GFRA1: variants seen among roughly 807,000 people sequenced by gnomAD.
GFRA1 encodes the protein GDNF family receptor alpha-1.
Under a neutral mutation model 51.6 loss-of-function variants are expected in GFRA1, and 16 were observed. The ratio of observed to expected loss-of-function variants is 0.31; its 90% CI spans 0.21 to 0.47. The LOEUF is 0.47. GFRA1 is among the 20% of genes least tolerant of loss of function. The pLI is 1.00. For synonymous variants in GFRA1, 270 were observed against 241.3 expected, an observed-to-expected ratio of 1.12 and a Z score of -1.10; for missense variants, 530 against 594.3, an observed-to-expected ratio of 0.89 and a Z score of 1.13.
rs1238008762 is a variant in GFRA1, at chr10:116,095,959, T to C, written c.880+696A>G. On this transcript the variant is annotated intron_variant, in intron 7 of 10. Transcript: ENST00000355422. Reference sequence around the variant, plus strand: ...TACCTGGGACACCTGCCTTTCCCCCTGACAGCCCCTGGTATCCAGGGGTCC... The same window carrying C: ...TACCTGGGACACCTGCCTTTCCCCCCGACAGCCCCTGGTATCCAGGGGTCC... 2.6e-5 allele frequency among the ~76,000 whole-genome samples: 4 copies of C among 151,030 alleles called. No homozygotes were observed. The East Asian group carries it at 7.7e-4, about 29-fold the overall frequency.
At chr10:116,064,834 C>CCCCTGTCA (rs1955021739) in intron 10 of GFRA1, among the ~76,000 whole-genome samples, 1 of 152,218 alleles carries the variant, frequency 6.6e-6, no homozygotes, top group Admixed American at 6.5e-5. Context: ...AGTTCAGGTA[C>CCCCTGTCA]CCCTGTCATT....
rs1049553007 is a variant in GFRA1, at chr10:116,061,344, CTTTT to C, written c.*3050_*3053del. 9.3e-5 allele frequency: 14 copies of C among 150,332 alleles called. No individual in the cohort carries two copies. Among genetic ancestry groups the C allele is most frequent in the African/African-American group, 1.5e-4 (6 of 40,984 alleles). 9.3% of individuals were successfully genotyped at this position (150,332 alleles called of 1,614,324 possible). The stretch of plus-strand genomic sequence containing the variant: ...TAACCTATGTTAATCTCAACTTATA[CTTTT>C]TTTATTACAGACTTGAAAAAAATCA... On this transcript the variant is annotated 3_prime_UTR_variant, in exon 11 of 11. Coordinates refer to ENST00000355422, the MANE Select transcript of GFRA1 (RefSeq NM_005264.8).
chr10:116,273,309 A>G (rs1366486199), upstream of GFRA1: 14 of 151,450 alleles, frequency 9.2e-5, no homozygotes, highest in Non-Finnish European at 1.9e-4. Context: ...AAAAGAAAAA[A>G]AAATAGATGC....
At chr10:116,267,311 C>A (rs1234397444) in intron 4 of GFRA1, among the ~76,000 whole-genome samples, 1 of 151,722 alleles carries the variant, frequency 6.6e-6, no homozygotes, top group African/African-American at 2.4e-5. Context: ...ACTAAACATA[C>A]AAAAATTATC....
At chr10:116,105,491 G>C (rs1417422941) in intron 6 of GFRA1, among the ~76,000 whole-genome samples, 3 of 152,142 alleles carry the variant, frequency 2.0e-5, no homozygotes, top group African/African-American at 7.2e-5. Context: ...AACTGCTCAG[G>C]AATCCTGGGC....
chr10:116,121,313 G>A (rs1362203687), intron 6 of GFRA1, among the ~76,000 whole-genome samples: 1 of 152,128 alleles, frequency 6.6e-6, no homozygotes, highest in East Asian at 1.9e-4. Flanking sequence ...AGACTGTGAG[G>A]CTTTGAAATT....
intron 4 of GFRA1, among the ~76,000 whole-genome samples, chr10:116,212,565 C>CACAT (rs1442488673): frequency 7.4e-6 from 1 of 134,980 alleles, no homozygotes. Context: ...CACACACACA[C>CACAT]ATCTAGTTAA....
At chr10:116,070,877 G>A (rs1955358570) in intron 9 of GFRA1, among the ~76,000 whole-genome samples, 1 of 149,742 alleles carries the variant, frequency 6.7e-6, no homozygotes, top group African/African-American at 2.5e-5. Context: ...GAAAACATCT[G>A]CCACTCTCTA....
rs189416341 is a variant in GFRA1 at position 116,122,302 on chromosome 10, A to G, written c.770+2919T>C. Among the ~76,000 whole-genome samples the G allele has an allele frequency of 4.6e-3, 700 of 152,286 alleles. 6 individuals carry two copies. The highest frequency in any genetic ancestry group is 0.014 in the African/African-American group (600 of 41,572). On this transcript the variant is annotated intron_variant, in intron 6 of 10. Coordinates refer to ENST00000355422, the MANE Select transcript of GFRA1 (RefSeq NM_005264.8). ...GCCCAGGGATCCTTCACCCCACTGCATGGTGGCTGCTGTCCACTCCAGGAA... is the reference window on the plus strand; with the variant it reads ...GCCCAGGGATCCTTCACCCCACTGCGTGGTGGCTGCTGTCCACTCCAGGAA...
intron 5 of GFRA1, among the ~76,000 whole-genome samples, chr10:116,132,734 T>C (rs1183422316): frequency 6.6e-6 from 1 of 152,154 alleles, no homozygotes; most frequent in Non-Finnish European, 1.5e-5. Flanking sequence ...AGATTGATCC[T>C]CTATATCTAT....
chr10:116,220,031 C>A (rs1362761576), intron 4 of GFRA1, among the ~76,000 whole-genome samples: 4 of 152,152 alleles, frequency 2.6e-5, no homozygotes, highest in Admixed American at 2.6e-4. Context: ...TTTAAAATTA[C>A]ACACATTGTA....
chr10:116,075,894 A>G (rs1179120169), intron 9 of GFRA1, among the ~76,000 whole-genome samples: 2 of 151,836 alleles, frequency 1.3e-5, no homozygotes, highest in Non-Finnish European at 2.9e-5. Context: ...ACAGGTGCCC[A>G]CCACTGTGCC....
intron 5 of GFRA1, among the ~76,000 whole-genome samples, chr10:116,172,237 C>T (rs765276494): frequency 9.9e-5 from 15 of 152,096 alleles, no homozygotes; most frequent in South Asian, 2.1e-4. Context: ...CGTTTGCTCA[C>T]GACAACTGAC....
chr10:116,088,789 T>C (rs887343100), intron 9 of GFRA1, among the ~76,000 whole-genome samples: 3 of 151,024 alleles, frequency 2.0e-5, no homozygotes, highest in East Asian at 2.0e-4. Flanking sequence ...GGCGTGGTGG[T>C]GGGCGCCTGT....
chr10:116,095,173 G>T (rs968428353), intron 7 of GFRA1, among the ~76,000 whole-genome samples: 1 of 152,212 alleles, frequency 6.6e-6, no homozygotes, highest in African/African-American at 2.4e-5. Flanking sequence ...CCTGGGAAGG[G>T]CACTGACTGA....
At chr10:116,086,687 CTG>C (rs1419872922) in intron 9 of GFRA1, among the ~76,000 whole-genome samples, 3 of 152,340 alleles carry the variant, frequency 2.0e-5, no homozygotes, top group South Asian at 2.1e-4. Flanking sequence ...TATGTGGAGA[CTG>C]TGCATATCAC....
intron 5 of GFRA1, among the ~76,000 whole-genome samples, chr10:116,134,528 T>G (rs1958239088): frequency 6.6e-6 from 1 of 152,104 alleles, no homozygotes; most frequent in South Asian, 2.1e-4. Flanking sequence ...CCAGCTAGGG[T>G]GCTAAAAATT....
In GFRA1 at chr10:116,114,609, C is replaced by A. The variant is rs187755160; in HGVS notation, c.770+10612G>T. ...AGAGGGTCTTGCTGTGTAGTCCAGG[C>A]TGGACTTGAACTCCTGGACACAAGT... On this transcript the variant is annotated intron_variant, in intron 6 of 10. Transcript: ENST00000355422. Among the ~76,000 whole-genome samples, 247 of 152,188 alleles carry A rather than the reference C, an allele frequency of 1.6e-3. 1 individual carries two copies. The highest frequency in any genetic ancestry group is 2.8e-3 in the Admixed American group (43 of 15,284).
At chr10:116,066,856 C>T (rs571810665) in intron 9 of GFRA1, among the ~76,000 whole-genome samples, 1 of 152,326 alleles carries the variant, frequency 6.6e-6, no homozygotes, top group East Asian at 1.9e-4. Context: ...TCAAGGAGGA[C>T]CTGGGCAACC....
Sources: gnomAD v4.1 joint callset for allele counts (sites outside exome capture counted in the v4.1 genomes callset) on GRCh38, gnomAD v4.1.1 for gene constraint, MANE v1.5 for transcripts, NCBI Gene and HGNC (gene_info 2026-07-23, HGNC 2026-07-21) for gene names.